The following GOLPH3 variants were observed in gnomAD, a reference collection of about 807,000 sequenced individuals.
The protein encoded by GOLPH3 is coat protein GPP34.
In GOLPH3, 14 loss-of-function variants were observed where a neutral mutation model predicts 28.5. The ratio of observed to expected loss-of-function variants is 0.49; its 90% CI spans 0.32 to 0.77. The LOEUF (loss-of-function observed/expected upper bound fraction) is 0.77. Ranked by LOEUF, GOLPH3 falls within the 30% of genes least tolerant of loss-of-function variation. The pLI is 0.03. For missense variants in GOLPH3, 350 were observed against 393.7 expected (o/e 0.89, Z 0.94); for synonymous variants, 158 against 159.2 (o/e 0.99, Z 0.06).
chr5:32,154,856 G>A (rs933263114), intron 1 of GOLPH3, among the ~76,000 whole-genome samples: 11 of 152,132 alleles, frequency 7.2e-5, no homozygotes, highest in African/African-American at 2.2e-4. Context: ...AGGCCAAGGC[G>A]GGCAGATCAC....
chr5:32,170,093 C>CA (rs1746797111), intron 1 of GOLPH3, among the ~76,000 whole-genome samples: 1 of 151,946 alleles, frequency 6.6e-6, no homozygotes, highest in Non-Finnish European at 1.5e-5. Flanking sequence ...CAGAATATGT[C>CA]AAAGTAATTT....
chr5:32,163,699 C>G (rs1272109242), intron 1 of GOLPH3, among the ~76,000 whole-genome samples: 1 of 151,860 alleles, frequency 6.6e-6, no homozygotes, highest in Non-Finnish European at 1.5e-5. Context: ...GTAACCCCAG[C>G]ATCTGGCAAA....
At chr5:32,168,977 C>CT (rs2111899521) in intron 1 of GOLPH3, among the ~76,000 whole-genome samples, 1 of 149,708 alleles carries the variant, frequency 6.7e-6, no homozygotes, top group Admixed American at 6.7e-5. Flanking sequence ...CCAAAAAACA[C>CT]AACAACAAAA....
At chr5:32,172,830 C>T (rs1746873319) in intron 1 of GOLPH3, among the ~76,000 whole-genome samples, 1 of 152,226 alleles carries the variant, frequency 6.6e-6, no homozygotes, top group Admixed American at 6.5e-5. Context: ...CATTGCACTC[C>T]AGCCTGGGCA....
At chr5:32,150,569 C>G (rs1416576990) in intron 1 of GOLPH3, among the ~76,000 whole-genome samples, 1 of 151,454 alleles carries the variant, frequency 6.6e-6, no homozygotes, top group Non-Finnish European at 1.5e-5. Context: ...ATAGACAGAC[C>G]AACAGAATAA....
chr5:32,169,403 T>C (rs896968597), intron 1 of GOLPH3, among the ~76,000 whole-genome samples: 1 of 152,210 alleles, frequency 6.6e-6, no homozygotes, highest in African/African-American at 2.4e-5. Flanking sequence ...ATGACTACTT[T>C]TCCATTATAC....
At chr5:32,173,130 A>G (rs1746880801) in intron 1 of GOLPH3, among the ~76,000 whole-genome samples, 1 of 152,130 alleles carries the variant, frequency 6.6e-6, no homozygotes, top group Non-Finnish European at 1.5e-5. Flanking sequence ...CCCTTTCTTA[A>G]GACGGCAAGA....
chr5:32,155,765 C>T (rs182470848), intron 1 of GOLPH3, among the ~76,000 whole-genome samples: 81 of 149,250 alleles, frequency 5.4e-4, no homozygotes, highest in East Asian at 1.2e-3. Flanking sequence ...TGAGACCAGC[C>T]TGACCAACAT....
At chr5:32,165,195 T>C (rs1050283283) in intron 1 of GOLPH3, among the ~76,000 whole-genome samples, 1 of 151,320 alleles carries the variant, frequency 6.6e-6, no homozygotes, top group African/African-American at 2.4e-5. Context: ...CCACCACACC[T>C]GCCAGGGTTA....
Position 32,163,587 on chromosome 5 carries a change from G to A in GOLPH3, c.225+10223C>T, listed in dbSNP as rs558264289. On this transcript the variant is annotated intron_variant, in intron 1 of 3. Transcript: ENST00000265070. The stretch of plus-strand genomic sequence containing the variant: ...AAGGATTGCTTGAACCCAGGAGGAG[G>A]AGGTTGCATGAGCCAAGATCATGCC... Among the ~76,000 whole-genome samples the A allele has an allele frequency of 6.6e-5, 10 of 152,210 alleles. No homozygotes were observed. In the South Asian group the frequency reaches 1.9e-3, roughly 28 times the overall value.
chr5:32,162,543 C>A (rs1034662069), intron 1 of GOLPH3, among the ~76,000 whole-genome samples: 1 of 151,854 alleles, frequency 6.6e-6, no homozygotes, highest in Non-Finnish European at 1.5e-5. Flanking sequence ...AGATGAGCAT[C>A]TGAATTTGAG....
chr5:32,134,387 T>C (rs1235364769), intron 3 of GOLPH3, among the ~76,000 whole-genome samples: 1 of 151,982 alleles, frequency 6.6e-6, no homozygotes, highest in Non-Finnish European at 1.5e-5. Flanking sequence ...TTTGTGTTTT[T>C]TGGTAGAAAC....
Position 32,126,267 on chromosome 5 carries a change from A to G in GOLPH3, c.842T>C (p.Leu281Pro), listed in dbSNP as rs1745675627. The G allele has an allele frequency of 2.5e-6, 4 of 1,614,186 alleles. No individual in the cohort carries two copies. The highest frequency in any genetic ancestry group is 3.4e-6 in the Non-Finnish European group (4 of 1,180,030). The change falls in exon 4 of 4, where the codon CTG becomes CCG. Residue 281 changes from leucine (L) to proline (P), a missense_variant. Leu to Pro is a moderately conservative substitution (Grantham distance 98). Transcript: ENST00000265070. ...LLDLDPEVEC[L>P]KANTNEVLWA... ...CAGAACCTCATTGGTGTTGGCCTTC[A>G]GACATTCCACTTCAGGGTCTAAGTC...
chr5:32,126,159 G>A lies in GOLPH3; in HGVS notation c.*53C>T. 6.6e-6 allele frequency: 10 copies of A among 1,516,572 alleles called. No individual in the cohort carries two copies. The highest frequency in any genetic ancestry group is 8.9e-6 in the Non-Finnish European group (10 of 1,122,480). 93.9% of individuals were successfully genotyped at this position (1,516,572 alleles called of 1,614,324 possible). On this transcript the variant is annotated 3_prime_UTR_variant, in exon 4 of 4. Coordinates refer to ENST00000265070, the MANE Select transcript of GOLPH3 (RefSeq NM_022130.4). ...TACAGAAAACCAGAAGTCAACAGAA[G>A]AAAAACTACTGGTTTACTTGAGAGA...
chr5:32,170,090 T>C (rs1048203605), intron 1 of GOLPH3, among the ~76,000 whole-genome samples: 4 of 152,148 alleles, frequency 2.6e-5, no homozygotes, highest in Non-Finnish European at 5.9e-5. Context: ...ACTCAGAATA[T>C]GTCAAAGTAA....
At chr5:32,134,102 G>GATTC (rs1311342971) in intron 3 of GOLPH3, among the ~76,000 whole-genome samples, 1 of 152,184 alleles carries the variant, frequency 6.6e-6, no homozygotes, top group East Asian at 1.9e-4. Flanking sequence ...TGAGCATGGT[G>GATTC]ATTCATGCTT....
intron 2 of GOLPH3, among the ~76,000 whole-genome samples, chr5:32,139,823 A>G (rs1746017041): frequency 6.6e-6 from 1 of 152,216 alleles, no homozygotes; most frequent in Non-Finnish European, 1.5e-5. Context: ...CAGATAAAGG[A>G]AATTTTCAAA....
intron 1 of GOLPH3, among the ~76,000 whole-genome samples, chr5:32,173,327 G>C (rs770086126): frequency 6.6e-6 from 1 of 151,436 alleles, no homozygotes; most frequent in Non-Finnish European, 1.5e-5. Flanking sequence ...CCAACAGTAA[G>C]CTTTAACTGA....
At position 32,166,296 on chromosome 5, in the gene GOLPH3, G is replaced by C. The variant is rs147479469; in HGVS notation, c.225+7514C>G. ...TAATATTAGTTGTGTTTTTGCAGAT[G>C]AGAGGTTTACCAAACGGGAAGAGAA... On this transcript the variant is annotated intron_variant, in intron 1 of 3. Coordinates refer to ENST00000265070, the MANE Select transcript of GOLPH3 (RefSeq NM_022130.4). Among the ~76,000 whole-genome samples, 52 of 152,270 alleles carry C rather than the reference G, an allele frequency of 3.4e-4. No homozygotes were observed. In the East Asian group the frequency reaches 0.01, roughly 29 times the overall value.
Sources: gnomAD v4.1 joint callset for allele counts (sites outside exome capture counted in the v4.1 genomes callset) on GRCh38, gnomAD v4.1.1 for gene constraint, MANE v1.5 for transcripts, NCBI Gene and HGNC (gene_info 2026-07-23, HGNC 2026-07-21) for gene names.